The following TLCD4 variants were observed in gnomAD, a reference collection of about 807,000 sequenced individuals.
The protein encoded by TLCD4 is TLC domain containing 4.
A neutral mutation model predicts 24.2 loss-of-function variants in TLCD4; 7 were observed. That is an observed-to-expected ratio of 0.29 (90% CI 0.16 to 0.54). The LOEUF is 0.54. TLCD4 is among the 20% of genes least tolerant of loss of function. TLCD4 has a pLI of 0.95. For missense variants in TLCD4, 259 were observed against 313.9 expected, an observed-to-expected ratio of 0.82 and a Z score of 1.32; for synonymous variants, 103 against 106.4, an observed-to-expected ratio of 0.97 and a Z score of 0.20.
At chr1:95,131,317 G>C (rs971949265) in intron 1 of TLCD4, among the ~76,000 whole-genome samples, 1 of 152,182 alleles carries the variant, frequency 6.6e-6, no homozygotes, top group African/African-American at 2.4e-5. Context: ...GAGTAGAGGG[G>C]TATGGAAGGG....
chr1:95,157,890 A>G (rs896245283), intron 5 of TLCD4, among the ~76,000 whole-genome samples: 32 of 152,218 alleles, frequency 2.1e-4, no homozygotes, highest in Non-Finnish European at 4.1e-4. Context: ...GTTCAGATTT[A>G]AGAGGTAGGA....
intron 4 of TLCD4, 48 bp downstream of exon 4, chr1:95,150,314 G>A (rs764262330): frequency 8.2e-6 from 13 of 1,594,580 alleles, no homozygotes; most frequent in South Asian, 2.3e-5. Context: ...AACTACTCAC[G>A]GAATTATACA....
At chr1:95,105,978 GT>G in the TLCD4 span, among the ~76,000 whole-genome samples, 1 of 151,976 alleles carries the variant, frequency 6.6e-6, no homozygotes, top group African/African-American at 2.4e-5. Context: ...TTTGGAGGCA[GT>G]TGTTCTAATG....
intron 6 of TLCD4, among the ~76,000 whole-genome samples, chr1:95,175,781 CTT>C (rs893892124): frequency 1.4e-5 from 2 of 145,436 alleles, no homozygotes; most frequent in South Asian, 2.2e-4. Context: ...CTTTTCTTTT[CTT>C]TTTTTTTTTG....
At chr1:95,103,851 A>T in the TLCD4 span, among the ~76,000 whole-genome samples, 1 of 152,232 alleles carries the variant, frequency 6.6e-6, no homozygotes, top group Admixed American at 6.5e-5. Flanking sequence ...TGTTAAACGA[A>T]TTAATAATTT....
At position 95,117,408 on chromosome 1, in the gene TLCD4, G is replaced by GCCGCGGTAGCTGGAGCCT. The variant is rs933334951; in HGVS notation, c.-215_-198dup. 3.3e-5 allele frequency: 5 copies of GCCGCGGTAGCTGGAGCCT among 152,112 alleles called. No homozygotes were observed. Among genetic ancestry groups the GCCGCGGTAGCTGGAGCCT allele is most frequent in the African/African-American group, 1.2e-4 (5 of 41,436 alleles). 9.4% of individuals were successfully genotyped at this position (152,112 alleles called of 1,614,324 possible). A position where few individuals can be genotyped will look rare whatever the true frequency, so the allele number is the denominator to read the frequency against. Reference sequence around the variant, plus strand: ...CGCAGTCCGGGCGGGCGCGACGGCCGCCGCGGTAGCTGGAGCCTCCGCGAC... The same window carrying GCCGCGGTAGCTGGAGCCT: ...CGCAGTCCGGGCGGGCGCGACGGCCGCCGCGGTAGCTGGAGCCTCCGCGGTAGCTGGAGCCTCCGCGAC... On this transcript the variant is annotated 5_prime_UTR_variant, in exon 1 of 7. Coordinates refer to ENST00000370203, the MANE Select transcript of TLCD4 (RefSeq NM_152487.3).
intron 4 of TLCD4, 137 bp from the exon 5 acceptor site, chr1:95,151,188 A>G (rs1372231963): frequency 1.2e-6 from 1 of 829,074 alleles, no homozygotes; most frequent in Non-Finnish European, 1.9e-6. Context: ...AGATAATCAG[A>G]CTAACTGAGG....
chr1:95,188,755 C>G (rs963119501), intron 6 of TLCD4, among the ~76,000 whole-genome samples: 1 of 152,000 alleles, frequency 6.6e-6, no homozygotes, highest in Non-Finnish European at 1.5e-5. Flanking sequence ...GCTCTCTGGC[C>G]CTAAATGATA....
At position 95,191,752 on chromosome 1, in the gene TLCD4, T is replaced by C. The variant is rs754742760; in HGVS notation, c.676T>C (p.Leu226=). ...ATCCTGGGTCATTAGTTGTGTTGTT[T>C]TGGATGTGATGAATGTCATGTGGAT... The part of the protein sequence containing the change: ...QLSWVISCVV[L]DVMNVMWMIK... The change falls in exon 7 of 7, where the codon TTG becomes CTG. Residue 226 remains leucine, a synonymous_variant. Coordinates refer to ENST00000370203, the MANE Select transcript of TLCD4 (RefSeq NM_152487.3). The C allele has an allele frequency of 4.0e-5, 64 of 1,614,072 alleles. 1 individual carries two copies. The South Asian group carries it at 6.6e-4, about 17-fold the overall frequency.
upstream of TLCD4, among the ~76,000 whole-genome samples, chr1:95,115,994 A>G (rs1032032184): frequency 3.3e-5 from 5 of 152,216 alleles, no homozygotes; most frequent in Non-Finnish European, 5.9e-5. Context: ...GGTACTGCAC[A>G]TATTGTGAAG....
the TLCD4 span, among the ~76,000 whole-genome samples, chr1:95,092,831 T>G: frequency 6.6e-6 from 1 of 152,242 alleles, no homozygotes; most frequent in East Asian, 1.9e-4. Context: ...TTCTGTCTCC[T>G]GGGTTCAAGT....
the TLCD4 span, among the ~76,000 whole-genome samples, chr1:95,108,199 T>C: frequency 6.6e-6 from 1 of 152,188 alleles, no homozygotes; most frequent in East Asian, 1.9e-4. Flanking sequence ...TTGTAATTTG[T>C]GTCTCATCCT....
chr1:95,119,282 G>A (rs1269869345), intron 1 of TLCD4, among the ~76,000 whole-genome samples: 2 of 152,170 alleles, frequency 1.3e-5, no homozygotes, highest in Non-Finnish European at 2.9e-5. Flanking sequence ...GAGTACAGAT[G>A]CAAGAGTTGG....
intron 5 of TLCD4, among the ~76,000 whole-genome samples, chr1:95,158,211 A>G (rs1677685561): frequency 1.4e-5 from 2 of 140,878 alleles, no homozygotes; most frequent in Admixed American, 1.4e-4. Context: ...TTTTTGAGAC[A>G]GAGTCTCATT....
intron 5 of TLCD4, among the ~76,000 whole-genome samples, chr1:95,155,913 A>G (rs1677620551): frequency 6.6e-6 from 1 of 152,104 alleles, no homozygotes; most frequent in Admixed American, 6.6e-5. Context: ...AATATAAGAT[A>G]CTATTTAAAA....
chr1:95,132,019 T>C (rs35961290), intron 1 of TLCD4, among the ~76,000 whole-genome samples: 13,220 of 152,270 alleles, frequency 0.087, 636 homozygotes, highest in African/African-American at 0.11. Context: ...TTTGTCTCTT[T>C]ACACATACCT....
At chr1:95,135,396 T>TC (rs1491121702) in intron 1 of TLCD4, among the ~76,000 whole-genome samples, 3 of 110,136 alleles carry the variant, frequency 2.7e-5, no homozygotes, top group South Asian at 5.3e-4. Context: ...TTTTGTACAC[T>TC]TTTTTTTTTT....
Position 95,192,082 on chromosome 1 carries a change from G to A in TLCD4, c.*214G>A, listed in dbSNP as rs1001106985. 1.8e-6 allele frequency: 2 copies of A among 1,101,704 alleles called. No individual in the cohort carries two copies. The allele number at this position is 1,101,704 out of a possible 1,614,324, so 68.2% of individuals were successfully genotyped here. On this transcript the variant is annotated 3_prime_UTR_variant, in exon 7 of 7. Transcript: ENST00000370203. The stretch of plus-strand genomic sequence containing the variant: ...GAGGCCAAGGTGGGTCGATCACTGA[G>A]GTCAGGAGTTCGAGACTAGCTTGGC...
At chr1:95,169,919 T>C (rs1678148124) in intron 5 of TLCD4, among the ~76,000 whole-genome samples, 1 of 152,210 alleles carries the variant, frequency 6.6e-6, no homozygotes, top group African/African-American at 2.4e-5. Context: ...TTACATGACT[T>C]TGAGGAGTCT....
Sources: allele counts gnomAD v4.1 joint callset (sites outside exome capture counted in the v4.1 genomes callset), GRCh38; gene constraint gnomAD v4.1.1; transcripts MANE v1.5; gene names NCBI Gene and HGNC (gene_info 2026-07-23, HGNC 2026-07-21).